The following TVP23C variants were observed in gnomAD, a reference collection of about 807,000 sequenced individuals.
TVP23C encodes the protein Golgi apparatus membrane protein TVP23 homolog C.
A neutral mutation model predicts 28.7 loss-of-function variants in TVP23C; 19 were observed. That is an observed-to-expected ratio of 0.66 (90% CI 0.46 to 0.97). The LOEUF (loss-of-function observed/expected upper bound fraction) is 0.97. TVP23C is among the 50% of genes least tolerant of loss of function. The pLI, the probability that TVP23C is intolerant of heterozygous loss-of-function variation, is 0.00. For missense variants in TVP23C, 186 were observed against 241.3 expected (o/e 0.77, Z 1.52); for synonymous variants, 68 against 81.7 (o/e 0.83, Z 0.90).
At chr17:15,532,429 A>G (rs1211576443), downstream of TVP23C, among the ~76,000 whole-genome samples, 2 of 152,134 alleles carry the variant, frequency 1.3e-5, no homozygotes, top group African/African-American at 2.4e-5. Context: ...GGGGGACTCT[A>G]AATTCCTTCA....
At chr17:15,503,423 G>A (rs1981580659) in intron 5 of TVP23C, 2 of 656,566 alleles carry the variant, frequency 3.0e-6, no homozygotes, top group Non-Finnish European at 2.4e-6. Context: ...AAGTCCTTGA[G>A]GCAAAAGGTG....
At chr17:15,524,110 T>TG (rs1982619122) in intron 5 of TVP23C, among the ~76,000 whole-genome samples, 1 of 120,794 alleles carries the variant, frequency 8.3e-6, no homozygotes, top group East Asian at 2.4e-4. Flanking sequence ...GTGTGTGTGT[T>TG]ACTCCCGTCT....
At position 15,538,585 on chromosome 17, in the gene TVP23C, T is replaced by C. The variant is rs1983263853; in HGVS notation, c.*1827A>G. The stretch of plus-strand genomic sequence containing the variant: ...AGCCTGGGCAAACAGAGTGAGACTC[T>C]GTCTCAAAAAAAATAAATAAATAAA... On this transcript the variant is annotated 3_prime_UTR_variant, in exon 6 of 6. Transcript: ENST00000518321. 2.0e-6 allele frequency: 2 copies of C among 978,886 alleles called. No homozygotes were observed. The highest frequency in any genetic ancestry group is 9.4e-5 in the South Asian group (2 of 21,172). The allele number at this position is 978,886 out of a possible 1,614,324, so 60.6% of individuals were successfully genotyped here. A position where few individuals can be genotyped will look rare whatever the true frequency, so the allele number is the denominator to read the frequency against.
At chr17:15,541,603 CCCTTAA>C (rs1231133459) in intron 5 of TVP23C, among the ~76,000 whole-genome samples, 1 of 151,996 alleles carries the variant, frequency 6.6e-6, no homozygotes, top group African/African-American at 2.4e-5. Context: ...ATTCTCCTTA[CCCTTAA>C]CAAGATGTAT....
In TVP23C at chr17:15,563,437, C is replaced by G; in HGVS notation, c.12G>C (p.Gln4His). ...TCCCAGCGCGCCCTCAGCCCCTCACCTGCTGCAACATGGCGGCCCTACGCC... is the reference window on the plus strand; with the variant it reads ...TCCCAGCGCGCCCTCAGCCCCTCACGTGCTGCAACATGGCGGCCCTACGCC... Reference protein sequence around the residue: MLQQDSNDDTEDVS... With the variant: MLQHDSNDDTEDVS... Residue 4 changes from glutamine (Q) to histidine (H), a missense_variant and splice_region_variant, in exon 1 of 6, where the codon CAG becomes CAC. Around this residue, in one of 3 missense-constraint regions of TVP23C, gnomAD observed 92 missense variants for 94.3 expected, o/e 0.98. Transcript: ENST00000518321. The G allele has an allele frequency of 6.3e-7, 1 of 1,594,248 alleles. No individual in the cohort carries two copies. The highest frequency in any genetic ancestry group is 2.3e-5 in the East Asian group (1 of 44,048).
exon 6 of TVP23C, chr17:15,502,842 G>C: frequency 6.5e-7 from 1 of 1,549,456 alleles, no homozygotes; most frequent in Non-Finnish European, 8.7e-7. Context: ...CCTGCGAGGA[G>C]CTTCAGATTT....
intron 3 of TVP23C, among the ~76,000 whole-genome samples, chr17:15,552,186 A>T (rs1983921889): frequency 6.6e-6 from 1 of 152,252 alleles, no homozygotes; most frequent in African/African-American, 2.4e-5. Flanking sequence ...CAACAAAAAG[A>T]AACGTGTATC....
chr17:15,508,724 G>A (rs12943480), intron 5 of TVP23C, among the ~76,000 whole-genome samples: 27,718 of 152,220 alleles, frequency 0.18, 2,677 homozygotes, highest in Middle Eastern at 0.24. Context: ...CATGGGCCAA[G>A]GTATGGTTGT....
chr17:15,530,237 C>T (rs1158433766), intron 5 of TVP23C, among the ~76,000 whole-genome samples: 1 of 152,078 alleles, frequency 6.6e-6, no homozygotes, highest in Non-Finnish European at 1.5e-5. Flanking sequence ...TCCACTACTG[C>T]CTTTTGTATT....
intron 5 of TVP23C, among the ~76,000 whole-genome samples, chr17:15,512,667 T>C (rs1444708304): frequency 6.6e-6 from 1 of 152,226 alleles, no homozygotes. Context: ...TATATATATA[T>C]GTAAATTTTA....
chr17:15,522,729 T>A (rs1982530441), intron 5 of TVP23C, among the ~76,000 whole-genome samples: 1 of 152,126 alleles, frequency 6.6e-6, no homozygotes, highest in African/African-American at 2.4e-5. Context: ...GGCTACATTT[T>A]TAAAAAAACT....
chr17:15,502,412 C>G (rs189334268), exon 6 of TVP23C: 230 of 159,144 alleles, frequency 1.4e-3, no homozygotes, highest in African/African-American at 5.3e-3. Flanking sequence ...TGTAAAGGGA[C>G]GCAGCCACAC....
chr17:15,524,855 A>G (rs1336424129), intron 5 of TVP23C, among the ~76,000 whole-genome samples: 1 of 152,234 alleles, frequency 6.6e-6, no homozygotes, highest in Non-Finnish European at 1.5e-5. Context: ...AACAGATGCC[A>G]GCTGAAACCT....
chr17:15,542,434 G>T (rs1983452354), intron 5 of TVP23C, among the ~76,000 whole-genome samples: 1 of 152,152 alleles, frequency 6.6e-6, no homozygotes, highest in African/African-American at 2.4e-5. Flanking sequence ...TTCCCGTCCT[G>T]TGGTCTTAAC....
intron 5 of TVP23C, among the ~76,000 whole-genome samples, chr17:15,519,985 C>CT (rs1302332430): frequency 1.3e-5 from 2 of 152,098 alleles, no homozygotes; most frequent in Non-Finnish European, 2.9e-5. Flanking sequence ...CTATGAAAAA[C>CT]TTTAAGAGTA....
chr17:15,537,603 A>T lies in TVP23C; in HGVS notation c.*2809T>A, dbSNP rs1983208758. On this transcript the variant is annotated 3_prime_UTR_variant, in exon 6 of 6. Transcript: ENST00000518321. ...TGTTTTCACTTGCTTGCATACGTCT[A>T]AGAAATTTCCCCATGAAGTACATAT... is the stretch of plus-strand genomic sequence containing the variant. 1 of 985,158 alleles carries T rather than the reference A, an allele frequency of 1.0e-6. No homozygotes were observed. The allele number at this position is 985,158 out of a possible 1,614,324, so 61.0% of individuals were successfully genotyped here.
chr17:15,534,701 GCTCACA>G (rs1322642085), downstream of TVP23C, among the ~76,000 whole-genome samples: 4 of 151,522 alleles, frequency 2.6e-5, no homozygotes, highest in African/African-American at 9.7e-5. Context: ...AGGCGTGGTG[GCTCACA>G]CCTGTAATCC....
At chr17:15,506,266 T>C (rs1567628846) in intron 5 of TVP23C, among the ~76,000 whole-genome samples, 1 of 152,072 alleles carries the variant, frequency 6.6e-6, no homozygotes, top group African/African-American at 2.4e-5. Flanking sequence ...ACACTCTGTA[T>C]CTAGCTGCTC....
intron 5 of TVP23C, chr17:15,507,092 C>G (rs1981784573): frequency 9.2e-7 from 1 of 1,084,440 alleles, no homozygotes; most frequent in African/African-American, 1.5e-5. Context: ...ACTGGTGCCT[C>G]TACGGGGAGA....
Sources: gnomAD v4.1 joint callset for allele counts (sites outside exome capture counted in the v4.1 genomes callset) on GRCh38, gnomAD v4.1.1 for gene constraint, gnomAD v4.1.1 regional missense constraint, MANE v1.5 for transcripts, NCBI Gene and HGNC (gene_info 2026-07-23, HGNC 2026-07-21) for gene names.